Variants in CAP1 observed in about 807,000 individuals in gnomAD.
CAP1 encodes the protein cyclase associated actin cytoskeleton regulatory protein 1.
In CAP1, 11 loss-of-function variants were observed where a neutral mutation model predicts 58.2. The observed-to-expected ratio is 0.19, with a 90% confidence interval of 0.12 to 0.31. The LOEUF (loss-of-function observed/expected upper bound fraction) is 0.31, where lower values mean the gene tolerates loss of function less well. Ranked by LOEUF, CAP1 falls within the 10% of genes least tolerant of loss-of-function variation. The pLI is 1.00. For synonymous variants in CAP1, 183 were observed against 213.8 expected (o/e 0.86, Z 1.26); for missense variants, 423 against 587.5 (o/e 0.72, Z 2.89).
chr1:40,045,405 A>G (rs1230589253), intron 1 of CAP1, among the ~76,000 whole-genome samples: 1 of 152,206 alleles, frequency 6.6e-6, no homozygotes, highest in Non-Finnish European at 1.5e-5. Context: ...TGAAGCTTCA[A>G]GAAATTACTG....
intron 1 of CAP1, among the ~76,000 whole-genome samples, chr1:40,047,689 C>T (rs981409169): frequency 2.6e-5 from 4 of 152,212 alleles, no homozygotes; most frequent in Admixed American, 2.6e-4. Flanking sequence ...CTGCCGAGTG[C>T]TCTGTGCAAT....
chr1:40,052,756 A>G (rs1023347450), intron 1 of CAP1, among the ~76,000 whole-genome samples: 26 of 152,018 alleles, frequency 1.7e-4, no homozygotes, highest in African/African-American at 5.8e-4. Context: ...AATGTGATTG[A>G]AAAAAAGTTG....
At chr1:40,054,771 A>T (rs1254644635) in intron 1 of CAP1, among the ~76,000 whole-genome samples, 2 of 152,152 alleles carry the variant, frequency 1.3e-5, no homozygotes, top group South Asian at 4.1e-4. Flanking sequence ...CCACTGTAGT[A>T]GCTGAGATCA....
At chr1:40,062,773 T>TGTGTG (rs111329903) in intron 4 of CAP1, among the ~76,000 whole-genome samples, 1 of 145,526 alleles carries the variant, frequency 6.9e-6, no homozygotes, top group Non-Finnish European at 1.5e-5. Context: ...TCAAAAAACA[T>TGTGTG]TGTGTGTGTG....
intron 6 of CAP1, 137 bp from the exon 7 acceptor site, chr1:40,066,078 T>C (rs1295778253): frequency 1.6e-6 from 1 of 606,370 alleles, no homozygotes. Context: ...CTGGTGATGA[T>C]AGAAAAGCTG....
At chr1:40,042,117 TC>T (rs1557668255) in intron 1 of CAP1, among the ~76,000 whole-genome samples, 1 of 152,080 alleles carries the variant, frequency 6.6e-6, no homozygotes, top group Non-Finnish European at 1.5e-5. Flanking sequence ...CCTCAGGTGA[TC>T]CCCCCACCTC....
intron 1 of CAP1, among the ~76,000 whole-genome samples, chr1:40,051,406 A>G (rs1646360199): frequency 6.6e-6 from 1 of 151,960 alleles, no homozygotes; most frequent in Non-Finnish European, 1.5e-5. Flanking sequence ...ACACACACAC[A>G]CACACAAAAG....
At chr1:40,049,404 T>G (rs1340245634) in intron 1 of CAP1, among the ~76,000 whole-genome samples, 1 of 151,772 alleles carries the variant, frequency 6.6e-6, no homozygotes, top group African/African-American at 2.4e-5. Context: ...AGAGACGAGG[T>G]TTCGCCATTT....
chr1:40,059,237 C>T, intron 1 of CAP1, 100 bp from the exon 2 acceptor site: 6 of 645,212 alleles, frequency 9.3e-6, no homozygotes, highest in Non-Finnish European at 1.4e-5. Context: ...AATTGGCATC[C>T]TCTTCATCCA....
chr1:40,043,387 G>A (rs904392529), intron 1 of CAP1, among the ~76,000 whole-genome samples: 24 of 151,838 alleles, frequency 1.6e-4, no homozygotes, highest in African/African-American at 5.6e-4. Context: ...TAGTAGAGAC[G>A]GGATTTTACC....
rs1183331012 is a variant in CAP1, at chr1:40,054,813, G to A, written c.-10-4524G>A. On this transcript the variant is annotated intron_variant, in intron 1 of 12. Transcript: ENST00000372805. ...GCGCCACCATGCCCAGGTAATTTTT[G>A]TATGTTTAGTAGAGATGGGATTTAG... is the stretch of plus-strand genomic sequence containing the variant. Among the ~76,000 whole-genome samples, 3 of 151,996 alleles carry A rather than the reference G, an allele frequency of 2.0e-5. No homozygotes were observed. In the East Asian group the frequency reaches 5.8e-4, roughly 29 times the overall value.
chr1:40,050,552 G>A (rs1461925595), intron 1 of CAP1, among the ~76,000 whole-genome samples: 5 of 151,610 alleles, frequency 3.3e-5, no homozygotes, highest in East Asian at 2.0e-4. Context: ...CCAGCTACTC[G>A]GGAGGCTGAG....
intron 4 of CAP1, among the ~76,000 whole-genome samples, chr1:40,062,921 A>G (rs1176069851): frequency 2.0e-5 from 3 of 152,150 alleles, no homozygotes; most frequent in Non-Finnish European, 2.9e-5. Context: ...TGCAAACACA[A>G]ACAAAATTCA....
chr1:40,070,603 C>G, intron 11 of CAP1, 91 bp downstream of exon 11: 1 of 1,130,702 alleles, frequency 8.8e-7, no homozygotes, highest in African/African-American at 1.5e-5. Context: ...TGGTGGGAAT[C>G]TGATTCTACA....
chr1:40,044,898 G>A (rs1241822170), intron 1 of CAP1, among the ~76,000 whole-genome samples: 1 of 141,226 alleles, frequency 7.1e-6, no homozygotes, highest in African/African-American at 2.7e-5. Context: ...CCGGGTTCAC[G>A]CCATTCACCT....
Position 40,051,880 on chromosome 1 carries a change from G to T in CAP1, c.-10-7457G>T, listed in dbSNP as rs564654858. Among the ~76,000 whole-genome samples the T allele has an allele frequency of 1.5e-3, 233 of 151,308 alleles. 4 individuals are homozygous for T. Among genetic ancestry groups the T allele is most frequent in the African/African-American group, 4.4e-3 (180 of 41,026 alleles). ...CACCGCGCCCAGCCTGTTTTTTTTT[G>T]TTTTGTTTTGTTTTTTAAATAAAAG... On this transcript the variant is annotated intron_variant, in intron 1 of 12. Coordinates refer to ENST00000372805, the MANE Select transcript of CAP1 (RefSeq NM_006367.4).
Position 40,070,280 on chromosome 1 carries a change from T to C in CAP1, c.1115T>C (p.Val372Ala). The C allele has an allele frequency of 6.2e-7, 1 of 1,614,152 alleles. No homozygotes were observed. The highest frequency in any genetic ancestry group is 8.5e-7 in the Non-Finnish European group (1 of 1,180,022). The change falls in exon 10 of 13, where the codon GTA becomes GCA. Residue 372 changes from valine (V) to alanine (A), a missense_variant and splice_region_variant. Physicochemically the swap from Val to Ala is moderately conservative, Grantham distance 64 (BLOSUM62 0). Transcript: ENST00000372805. ...AAGGGCAAAATTAACTCCATTACAG[T>C]AGGTGAGTCTTTGTCGCTGTCCCAC... ...QIKGKINSIT[V>A]DNCKKLGLVF... is the part of the protein sequence containing the mutation.
chr1:40,059,809 TA>T (rs1646772204), intron 2 of CAP1, among the ~76,000 whole-genome samples: 1 of 152,026 alleles, frequency 6.6e-6, no homozygotes, highest in Admixed American at 6.6e-5. Context: ...ATGTTAGCAC[TA>T]AAAAAAACCT....
intron 1 of CAP1, among the ~76,000 whole-genome samples, chr1:40,053,433 A>G (rs1646469500): frequency 6.6e-6 from 1 of 151,826 alleles, no homozygotes; most frequent in African/African-American, 2.4e-5. Context: ...TTCTTTACTC[A>G]CTAGTTGTTT....
Sources: gnomAD v4.1 joint callset for allele counts (sites outside exome capture counted in the v4.1 genomes callset) on GRCh38, gnomAD v4.1.1 for gene constraint, MANE v1.5 for transcripts, NCBI Gene and HGNC (gene_info 2026-07-23, HGNC 2026-07-21) for gene names.